The following ANKS1A variants were observed in gnomAD, a reference collection of about 807,000 sequenced individuals.
ANKS1A encodes the protein ankyrin repeat and sterile alpha motif domain containing 1A.
In ANKS1A, 55 loss-of-function variants were observed where a neutral mutation model predicts 120.3. That is an observed-to-expected ratio of 0.46 (90% CI 0.37 to 0.57). ANKS1A has a LOEUF of 0.57. ANKS1A is among the 20% of genes least tolerant of loss of function. The pLI, the probability that ANKS1A is intolerant of heterozygous loss-of-function variation, is 0.00. For missense variants in ANKS1A, 1,123 were observed against 1,480.3 expected (o/e 0.76, Z 3.96); for synonymous variants, 590 against 604.7 (o/e 0.98, Z 0.36).
intron 1 of ANKS1A, among the ~76,000 whole-genome samples, chr6:34,930,767 C>A (rs931471440): frequency 6.6e-6 from 1 of 152,156 alleles, no homozygotes; most frequent in Non-Finnish European, 1.5e-5. Flanking sequence ...GTTACCACAG[C>A]CACTGATGTA....
intron 1 of ANKS1A, among the ~76,000 whole-genome samples, chr6:34,903,450 G>C (rs1221174418): frequency 1.3e-5 from 2 of 149,804 alleles, no homozygotes; most frequent in Admixed American, 1.3e-4. Flanking sequence ...TCAGTCTTTT[G>C]AGTAGCTAGG....
rs571614979 is a variant in ANKS1A, at chr6:35,004,084, C to T, written c.1423+9662C>T. ...GTCTGTTCTGTTTCACTCTAACCAC[C>T]GGTGCATGCAGCCCCTGTCACGTAC... On this transcript the variant is annotated intron_variant, in intron 10 of 23. Coordinates refer to ENST00000360359, the MANE Select transcript of ANKS1A (RefSeq NM_015245.3). Among the ~76,000 whole-genome samples, 49 of 152,262 alleles carry T rather than the reference C, an allele frequency of 3.2e-4. No homozygotes were observed. In the South Asian group the frequency reaches 5.4e-3, roughly 17 times the overall value.
At chr6:34,941,757 C>T (rs759318569) in intron 1 of ANKS1A, among the ~76,000 whole-genome samples, 4 of 152,138 alleles carry the variant, frequency 2.6e-5, no homozygotes, top group East Asian at 1.9e-4. Context: ...AATTGACAGC[C>T]GTTCATTCTT....
intron 1 of ANKS1A, among the ~76,000 whole-genome samples, chr6:34,966,142 A>C (rs1460756449): frequency 6.6e-6 from 1 of 152,196 alleles, no homozygotes; most frequent in Non-Finnish European, 1.5e-5. Context: ...GTAGCACAAA[A>C]AGCAAGAACT....
intron 1 of ANKS1A, among the ~76,000 whole-genome samples, chr6:34,940,183 C>G (rs1250508493): frequency 2.6e-5 from 4 of 152,156 alleles, no homozygotes; most frequent in Non-Finnish European, 5.9e-5. Context: ...ACATAGTGAG[C>G]CTTGGAAAAC....
intron 1 of ANKS1A, among the ~76,000 whole-genome samples, chr6:34,948,844 A>G (rs1309625507): frequency 6.6e-6 from 1 of 152,202 alleles, no homozygotes; most frequent in Non-Finnish European, 1.5e-5. Flanking sequence ...AAGTAAGGGA[A>G]GAAAGGCAGG....
intron 13 of ANKS1A, among the ~76,000 whole-genome samples, chr6:35,070,484 C>CTTTTTTT (rs869249276): frequency 7.8e-4 from 49 of 62,996 alleles, no homozygotes; most frequent in African/African-American, 1.0e-3. Context: ...AAGCCTTTAT[C>CTTTTTTT]TTTTTTTTTT....
chr6:35,027,198 G>T (rs1392502452), intron 11 of ANKS1A, among the ~76,000 whole-genome samples: 1 of 152,152 alleles, frequency 6.6e-6, no homozygotes, highest in Non-Finnish European at 1.5e-5. Context: ...CAACTGATTG[G>T]GTGTTCATGG....
rs771577666 is a variant in ANKS1A, at chr6:35,079,500, C to T, written c.2284-16C>T. 1 of 1,613,186 alleles carries T rather than the reference C, an allele frequency of 6.2e-7. No homozygotes were observed. Among genetic ancestry groups the T allele is most frequent in the Non-Finnish European group, 8.5e-7 (1 of 1,179,510 alleles). The stretch of plus-strand genomic sequence containing the variant: ...AGTGCTGAGATGTCAGTTTCACCTC[C>T]CTCCTTGCCCTGTAGGTGAAGGCTC... On this transcript the variant is annotated splice_polypyrimidine_tract_variant and intron_variant, in intron 14 of 23. Coordinates refer to ENST00000360359, the MANE Select transcript of ANKS1A (RefSeq NM_015245.3).
rs142630614 is a variant in ANKS1A at position 34,970,022 on chromosome 6, G to A, written c.291G>A (p.Glu97=). 56 of 1,613,614 alleles carry A rather than the reference G, an allele frequency of 3.5e-5. No individual in the cohort carries two copies. The highest frequency in any genetic ancestry group is 4.7e-5 in the Non-Finnish European group (56 of 1,179,868). ...TTTTGCCTTCTAGGGATGTGGTCGA[G>A]GTTCTTCTGAGGAACGATGCGCTGA... is the stretch of plus-strand genomic sequence containing the variant. ...AALNGHKDVV[E]VLLRNDALTN... Residue 97 remains glutamate (E), a synonymous_variant, in exon 3 of 24, where the codon GAG becomes GAA. Transcript: ENST00000360359.
intron 3 of ANKS1A, among the ~76,000 whole-genome samples, chr6:34,973,120 G>A (rs1385630583): frequency 6.6e-6 from 1 of 152,202 alleles, no homozygotes; most frequent in African/African-American, 2.4e-5. Flanking sequence ...TAATGGTGGA[G>A]ATGTGGAGGA....
chr6:34,917,307 G>A (rs1768215146), intron 1 of ANKS1A, among the ~76,000 whole-genome samples: 1 of 152,230 alleles, frequency 6.6e-6, no homozygotes, highest in Admixed American at 6.5e-5. Flanking sequence ...GCTAAGTGGA[G>A]AGGCTCTCTC....
At chr6:34,899,495 GTAAT>G (rs1767244927) in intron 1 of ANKS1A, among the ~76,000 whole-genome samples, 1 of 151,826 alleles carries the variant, frequency 6.6e-6, no homozygotes, top group South Asian at 2.1e-4. Context: ...AAAAAAAAAA[GTAAT>G]TAAAAAACAA....
At chr6:35,024,848 T>C (rs1294244024) in intron 11 of ANKS1A, among the ~76,000 whole-genome samples, 5 of 152,228 alleles carry the variant, frequency 3.3e-5, no homozygotes, top group Admixed American at 6.5e-5. Flanking sequence ...AAAAGAAGAA[T>C]GTAAAATAAG....
intron 11 of ANKS1A, 58 bp downstream of exon 11, chr6:35,018,117 A>G (rs1774142744): frequency 6.5e-7 from 1 of 1,543,090 alleles, no homozygotes; most frequent in African/African-American, 1.4e-5. Flanking sequence ...GCAGCCCACC[A>G]CAGCTCCCGT....
Position 34,991,539 on chromosome 6 carries a change from TATACACACAC to T in ANKS1A, c.1302+2225_1302+2234del, listed in dbSNP as rs1196567011. ...CCACATAGCCGGGAAAAAAAAAATA[TATACACACAC>T]ACACACACACACACACACACACACA... On this transcript the variant is annotated intron_variant, in intron 9 of 23. Transcript: ENST00000360359. 4.1e-4 allele frequency among the ~76,000 whole-genome samples: 35 copies of T among 85,114 alleles called. 2 individuals carry two copies. Among genetic ancestry groups the T allele is most frequent in the African/African-American group, 1.3e-3 (26 of 20,602 alleles). The allele number at this position is 85,114 out of a possible 152,430, so 55.8% of individuals were successfully genotyped here. A position where few individuals can be genotyped will look rare whatever the true frequency, so the allele number is the denominator to read the frequency against.
In ANKS1A at chr6:34,940,706, C is replaced by G. The variant is rs377439070; in HGVS notation, c.198-26533C>G. Among the ~76,000 whole-genome samples the G allele has an allele frequency of 3.8e-4, 58 of 151,844 alleles. 1 individual carries two copies. The highest frequency in any genetic ancestry group is 5.2e-4 in the Admixed American group (8 of 15,244). ...CAGGCGGATCACAAGGTCAGGAGTT[C>G]GAGACCAGCCTAGCCAACATGATGA... On this transcript the variant is annotated intron_variant, in intron 1 of 23. Coordinates refer to ENST00000360359, the MANE Select transcript of ANKS1A (RefSeq NM_015245.3).
chr6:34,995,370 T>G lies in ANKS1A; in HGVS notation c.1423+948T>G, dbSNP rs567705151. Among the ~76,000 whole-genome samples the G allele has an allele frequency of 2.0e-5, 3 of 151,954 alleles. No homozygotes were observed. In the East Asian group the frequency reaches 5.8e-4, roughly 29 times the overall value. ...GACATTGTGGTCATTTTCATAGTGT[T>G]TTTTTTTGTTTTGTTTTGTATTTTA... On this transcript the variant is annotated intron_variant, in intron 10 of 23. Transcript: ENST00000360359.
At chr6:35,065,957 T>G (rs1776752770) in intron 13 of ANKS1A, among the ~76,000 whole-genome samples, 1 of 152,164 alleles carries the variant, frequency 6.6e-6, no homozygotes, top group South Asian at 2.1e-4. Flanking sequence ...CCGGGTTAGT[T>G]AAGTAAACTG....
Sources: gnomAD v4.1 joint callset for allele counts (sites outside exome capture counted in the v4.1 genomes callset) on GRCh38, gnomAD v4.1.1 for gene constraint, MANE v1.5 for transcripts, NCBI Gene and HGNC (gene_info 2026-07-23, HGNC 2026-07-21) for gene names.